IFT46: variants seen among roughly 807,000 people sequenced by gnomAD.
IFT46 encodes intraflagellar transport 46, also known as intraflagellar transport protein 46 homolog.
Under a neutral mutation model 39.6 loss-of-function variants are expected in IFT46, and 19 were observed. The observed-to-expected ratio is 0.48, with a 90% confidence interval of 0.33 to 0.70. The LOEUF is 0.70. Ranked by LOEUF, IFT46 falls within the 30% of genes least tolerant of loss-of-function variation. The probability of loss-of-function intolerance (pLI) is 0.01; values close to 1 mark genes in which losing one functional copy is unlikely to be tolerated. For synonymous variants in IFT46, 117 were observed against 134.8 expected (o/e 0.87, Z 0.91); for missense variants, 334 against 364.8 (o/e 0.92, Z 0.69).
At chr11:118,555,410 G>A (rs1937798652) in intron 4 of IFT46, 88 bp from the exon 5 acceptor site, 2 of 952,802 alleles carry the variant, frequency 2.1e-6, no homozygotes, top group Admixed American at 3.9e-5. Context: ...CTGACTATAG[G>A]GACATGATCC....
At chr11:118,551,718 G>GA in intron 9 of IFT46, 68 bp downstream of exon 9, 2 of 1,058,344 alleles carry the variant, frequency 1.9e-6, no homozygotes, top group Non-Finnish European at 2.9e-6. Context: ...TGGAGGAAGA[G>GA]AAAAAACACT....
chr11:118,566,209 A>G (rs1385224041), upstream of IFT46: 6 of 152,204 alleles, frequency 3.9e-5, no homozygotes, highest in African/African-American at 1.2e-4. Context: ...TAGGACAACA[A>G]TCTCTGGGGA....
chr11:118,545,618 C>A, intron 10 of IFT46, 124 bp from the exon 11 acceptor site: 1 of 1,070,696 alleles, frequency 9.3e-7, no homozygotes, highest in Non-Finnish European at 1.4e-6. Context: ...GGTTAAATAC[C>A]CAGCAGGTAG....
At chr11:118,556,830 A>G in intron 4 of IFT46, 76 bp downstream of exon 4, 1 of 1,440,806 alleles carries the variant, frequency 6.9e-7, no homozygotes, top group Non-Finnish European at 9.2e-7. Context: ...TTCACTTCTA[A>G]CTGACGTCCT....
At chr11:118,560,988 C>T (rs1938036746) in intron 2 of IFT46, 1 of 1,399,238 alleles carries the variant, frequency 7.1e-7, no homozygotes, top group Non-Finnish European at 1.0e-6. Context: ...ACTTATTGTA[C>T]TGGCCTGCTG....
intron 9 of IFT46, among the ~76,000 whole-genome samples, chr11:118,549,950 G>T (rs1402979129): frequency 1.4e-5 from 2 of 147,404 alleles, no homozygotes; most frequent in Non-Finnish European, 3.0e-5. Context: ...TTGAGATGGA[G>T]TCTCGCTCTA....
chr11:118,573,250 T>A (rs1159919019), upstream of IFT46, among the ~76,000 whole-genome samples: 2 of 152,188 alleles, frequency 1.3e-5, no homozygotes, highest in Non-Finnish European at 2.9e-5. Flanking sequence ...ACACAGGGTT[T>A]GCCTTCAAGG....
chr11:118,555,780 AG>A (rs1464667621), intron 4 of IFT46, among the ~76,000 whole-genome samples: 5 of 151,878 alleles, frequency 3.3e-5, no homozygotes, highest in African/African-American at 1.2e-4. Context: ...AAAATTAGCC[AG>A]GTGTGGTGGT....
upstream of IFT46, among the ~76,000 whole-genome samples, chr11:118,570,045 CTT>C (rs1162103875): frequency 5.3e-5 from 6 of 113,546 alleles, no homozygotes; most frequent in African/African-American, 6.7e-5. Flanking sequence ...CCACGCCCAG[CTT>C]TTTTTTTTTT....
At chr11:118,565,384 T>C (rs1555071287) in intron 1 of IFT46, among the ~76,000 whole-genome samples, 1 of 150,506 alleles carries the variant, frequency 6.6e-6, no homozygotes, top group African/African-American at 2.5e-5. Flanking sequence ...TGTATGTAGA[T>C]GGCCAAGGCT....
In IFT46 at chr11:118,571,139, C is replaced by G. The variant is rs189674677; in HGVS notation, c.-133+1457G>C. ...TCCTGAGCCCCTGGAAATCACTAAG[C>G]TAGTTTCTGTCTCTGTGGATTTTCT... On this transcript the variant is annotated intron_variant, in intron 1 of 5. Transcript: ENST00000528378. Among the ~76,000 whole-genome samples the G allele has an allele frequency of 2.0e-5, 3 of 152,286 alleles. No homozygotes were observed. The East Asian group carries it at 5.8e-4, about 29-fold the overall frequency.
chr11:118,570,209 A>G (rs1259857320), upstream of IFT46, among the ~76,000 whole-genome samples: 1 of 150,630 alleles, frequency 6.6e-6, no homozygotes, highest in Non-Finnish European at 1.5e-5. Flanking sequence ...ACGCGCCACC[A>G]TGCCCAGCTA....
upstream of IFT46, among the ~76,000 whole-genome samples, chr11:118,574,089 C>T (rs1938424433): frequency 6.6e-6 from 1 of 151,972 alleles, no homozygotes. Flanking sequence ...TGGTAAAGCC[C>T]TACGTGATAT....
At chr11:118,573,781 C>T, upstream of IFT46, 1 of 604,922 alleles carries the variant, frequency 1.7e-6, no homozygotes, top group Non-Finnish European at 3.0e-6. Flanking sequence ...TTCTCAGCCT[C>T]AGGTATATAA....
At chr11:118,554,705 C>T in intron 6 of IFT46, 118 bp from the exon 7 acceptor site, 1 of 1,071,382 alleles carries the variant, frequency 9.3e-7, no homozygotes, top group Non-Finnish European at 1.3e-6. Flanking sequence ...ATGCTGTACG[C>T]AATACTATCC....
upstream of IFT46, among the ~76,000 whole-genome samples, chr11:118,568,727 C>A (rs995341762): frequency 8.6e-5 from 13 of 150,556 alleles, no homozygotes; most frequent in African/African-American, 3.2e-4. Context: ...AATACAGTGA[C>A]GAGACCTCAG....
At position 118,545,604 on chromosome 11, in the gene IFT46, T is replaced by C. The variant is rs2277294; in HGVS notation, c.734-110A>G. On this transcript the variant is annotated intron_variant, in intron 10 of 11. Transcript: ENST00000264021. ...GGCAGATGGGGTGTCGCTATGACTT[T>C]GGGGGTTAAATACCCAGCAGGTAGT... The C allele has an allele frequency of 7.2e-6, 8 of 1,114,424 alleles. No individual in the cohort carries two copies. In the East Asian group the frequency reaches 1.9e-4, roughly 26 times the overall value. 69.0% of individuals were successfully genotyped at this position (1,114,424 alleles called of 1,614,324 possible).
At chr11:118,572,439 C>A (rs942660367) in intron 1 of IFT46, 1 of 1,126,648 alleles carries the variant, frequency 8.9e-7, no homozygotes, top group Admixed American at 2.7e-5. Flanking sequence ...GGCAGCGGTT[C>A]CTGTCAAGGG....
chr11:118,568,780 C>T (rs1555071940), upstream of IFT46, among the ~76,000 whole-genome samples: 1 of 151,384 alleles, frequency 6.6e-6, no homozygotes, highest in Non-Finnish European at 1.5e-5. Flanking sequence ...ATTCTCCCAC[C>T]GAGTAGCTGG....
Sources: allele counts gnomAD v4.1 joint callset (sites outside exome capture counted in the v4.1 genomes callset), GRCh38; gene constraint gnomAD v4.1.1; transcripts MANE v1.5; gene names NCBI Gene and HGNC (gene_info 2026-07-23, HGNC 2026-07-21).